NLGN4Y: variants seen among roughly 807,000 people sequenced by gnomAD.
NLGN4Y encodes the protein neuroligin-4, Y-linked.
Under a neutral mutation model 8.4 loss-of-function variants are expected in NLGN4Y, and 4 were observed. That is an observed-to-expected ratio of 0.48 (90% confidence interval 0.23 to 1.09). The LOEUF (loss-of-function observed/expected upper bound fraction) is 1.09. Ranked by LOEUF, NLGN4Y falls within the 50% of genes least tolerant of loss-of-function variation. NLGN4Y has a pLI of 0.19. For synonymous variants in NLGN4Y, 35 were observed against 75.6 expected, an observed-to-expected ratio of 0.46 and a Z score of 2.78; for missense variants, 90 against 192.3, an observed-to-expected ratio of 0.47 and a Z score of 3.15.
intron 1 of NLGN4Y, among the ~76,000 whole-genome samples, chrY:14,532,097 G>A: frequency 1.2e-4 from 4 of 32,340 alleles, no homozygotes; most frequent in African/African-American, 4.9e-4. Flanking sequence ...CCTTTCGTGT[G>A]TTTTGTGAAC....
chrY:14,658,321 G>A, intron 2 of NLGN4Y, among the ~76,000 whole-genome samples: 1 of 33,536 alleles, frequency 3.0e-5, no homozygotes, highest in Non-Finnish European at 7.4e-5. Flanking sequence ...CAATGTATTT[G>A]TTCATAACTC....
At chrY:14,764,448 C>G (rs2081088891) in intron 4 of NLGN4Y, among the ~76,000 whole-genome samples, 1 of 33,641 alleles carries the variant, frequency 3.0e-5, no homozygotes, top group African/African-American at 1.2e-4. Flanking sequence ...ACTTATTACC[C>G]AATTCCAGAG....
intron 2 of NLGN4Y, among the ~76,000 whole-genome samples, chrY:14,699,456 T>G: frequency 5.9e-5 from 2 of 33,696 alleles, no homozygotes; most frequent in Non-Finnish European, 1.5e-4. Flanking sequence ...ATCTAAATCA[T>G]GAAAACTGGT....
chrY:14,658,825 A>G (rs2080663599), intron 2 of NLGN4Y, among the ~76,000 whole-genome samples: 1 of 33,710 alleles, frequency 3.0e-5, no homozygotes, highest in African/African-American at 1.2e-4. Flanking sequence ...GATTACAGGT[A>G]TGAGCCACTT....
intron 1 of NLGN4Y, among the ~76,000 whole-genome samples, chrY:14,620,573 A>C: frequency 2.9e-5 from 1 of 34,067 alleles, no homozygotes; most frequent in Non-Finnish European, 7.3e-5. Context: ...GTTTTATTAA[A>C]AAGAAAAAGC....
At chrY:14,756,876 T>C (rs1603503608) in intron 4 of NLGN4Y, among the ~76,000 whole-genome samples, 1 of 9,769 alleles carries the variant, frequency 1.0e-4, no homozygotes, top group South Asian at 5.8e-3. Context: ...CATATATATA[T>C]ATATATATAT....
rs2043234754 is a variant in NLGN4Y at position 14,843,366 on chromosome Y, A to G, written c.*2104A>G. ...TTCCCAATTCATTTTTCATAGATCT[A>G]TAATCAGGCAATTTCTGCAAGCAAT... On this transcript the variant is annotated 3_prime_UTR_variant, in exon 7 of 7. Transcript: ENST00000684976. The G allele has an allele frequency of 8.4e-6, 1 of 119,632 alleles. No individual in the cohort carries two copies. The highest frequency in any genetic ancestry group is 1.8e-5 in the Non-Finnish European group (1 of 55,803). The allele number at this position is 119,632 out of a possible 400,897, so 29.8% of individuals were successfully genotyped here. A position where few individuals can be genotyped will look rare whatever the true frequency, so the allele number is the denominator to read the frequency against.
chrY:14,681,739 G>T, intron 2 of NLGN4Y, among the ~76,000 whole-genome samples: 1 of 33,251 alleles, frequency 3.0e-5, no homozygotes, highest in Non-Finnish European at 7.5e-5. Flanking sequence ...TATTGGAGTT[G>T]CTGTTAGTAG....
intron 1 of NLGN4Y, among the ~76,000 whole-genome samples, chrY:14,611,293 G>T: frequency 3.2e-5 from 1 of 31,650 alleles, no homozygotes; most frequent in South Asian, 6.9e-4. Context: ...CATATTAGTT[G>T]ATGCTGTTTC....
intron 2 of NLGN4Y, among the ~76,000 whole-genome samples, chrY:14,700,560 A>C: frequency 3.0e-5 from 1 of 33,565 alleles, no homozygotes; most frequent in Non-Finnish European, 7.4e-5. Flanking sequence ...GTGTGAGTAA[A>C]ACAAAACTTC....
intron 2 of NLGN4Y, among the ~76,000 whole-genome samples, chrY:14,626,027 G>C: frequency 3.0e-5 from 1 of 33,616 alleles, no homozygotes; most frequent in Non-Finnish European, 7.4e-5. Flanking sequence ...CTGTATCCTT[G>C]GACATACATC....
intron 2 of NLGN4Y, among the ~76,000 whole-genome samples, chrY:14,694,637 T>G (rs910949620): frequency 5.1e-4 from 17 of 33,596 alleles, no homozygotes; most frequent in Admixed American, 5.5e-4. Flanking sequence ...TGAGCCAGCA[T>G]GCTTGTGGAG....
At chrY:14,591,843 G>A in intron 1 of NLGN4Y, among the ~76,000 whole-genome samples, 6 of 33,355 alleles carry the variant, frequency 1.8e-4, no homozygotes, top group Admixed American at 5.5e-4. Flanking sequence ...TGGGTTGCAC[G>A]TCCTGTTAGG....
chrY:14,738,426 T>C (rs2080997063), intron 4 of NLGN4Y, among the ~76,000 whole-genome samples: 3 of 33,068 alleles, frequency 9.1e-5, no homozygotes, highest in African/African-American at 3.5e-4. Context: ...TGGAATCCCA[T>C]TGGTTTTTCT....
intron 2 of NLGN4Y, among the ~76,000 whole-genome samples, chrY:14,695,706 T>C (rs771384012): frequency 1.8e-3 from 61 of 33,480 alleles, no homozygotes; most frequent in Non-Finnish European, 3.2e-3. Flanking sequence ...GTATTCATTT[T>C]CTTTTGCTGC....
chrY:14,602,980 C>T, intron 1 of NLGN4Y, among the ~76,000 whole-genome samples: 1 of 33,262 alleles, frequency 3.0e-5, no homozygotes, highest in Non-Finnish European at 7.4e-5. Flanking sequence ...AGCAAATAAA[C>T]ATGGCACATG....
chrY:14,590,685 G>A (rs957759585), intron 1 of NLGN4Y, among the ~76,000 whole-genome samples: 3 of 33,658 alleles, frequency 8.9e-5, no homozygotes, highest in African/African-American at 3.5e-4. Flanking sequence ...AAGGGGAGAA[G>A]CCATGTTGCC....
intron 1 of NLGN4Y, among the ~76,000 whole-genome samples, chrY:14,593,579 T>C (rs2080381975): frequency 3.0e-5 from 1 of 33,520 alleles, no homozygotes; most frequent in Non-Finnish European, 7.4e-5. Flanking sequence ...CCCCATTCTG[T>C]TTCAGTCCGG....
intron 4 of NLGN4Y, among the ~76,000 whole-genome samples, chrY:14,780,067 C>T: frequency 3.0e-5 from 1 of 33,016 alleles, no homozygotes; most frequent in Admixed American, 2.8e-4. Context: ...ACCATCTGCT[C>T]GTCTTCCAAG....
Sources: allele counts gnomAD v4.1 joint callset (sites outside exome capture counted in the v4.1 genomes callset), GRCh38; gene constraint gnomAD v4.1.1; transcripts MANE v1.5; gene names NCBI Gene and HGNC (gene_info 2026-07-23, HGNC 2026-07-21).